MSN: variants seen among roughly 807,000 people sequenced by gnomAD.
MSN encodes the protein epididymis luminal protein 70.
In MSN, 2 loss-of-function variants were observed where a neutral mutation model predicts 48.0. That is an observed-to-expected ratio of 0.04 (90% confidence interval 0.02 to 0.13). The LOEUF is 0.13. MSN is among the 10% of genes least tolerant of loss of function. MSN has a pLI of 1.00. For missense variants in MSN, 267 were observed against 470.1 expected (o/e 0.57, Z 3.99); for synonymous variants, 146 against 166.9 (o/e 0.87, Z 0.97).
chrX:65,661,154 A>G (rs1025023343), intron 1 of MSN, among the ~76,000 whole-genome samples: 50 of 110,130 alleles, frequency 4.5e-4, no homozygotes, highest in African/African-American at 1.6e-3. Context: ...AGTAGAGACA[A>G]GGTTTCACCA....
intron 3 of MSN, 24 bp from the exon 4 acceptor site, chrX:65,729,414 G>A (rs1272235318): frequency 8.3e-7 from 1 of 1,201,854 alleles, no homozygotes; most frequent in South Asian, 1.8e-5. Context: ...TTTTTTGAGA[G>A]TCCATAACCC....
intron 1 of MSN, among the ~76,000 whole-genome samples, chrX:65,673,509 C>T (rs2070964236): frequency 9.3e-6 from 1 of 107,081 alleles, no homozygotes. Flanking sequence ...GGCTGGAGTG[C>T]AATGGCACGA....
intron 1 of MSN, among the ~76,000 whole-genome samples, chrX:65,681,974 A>G (rs2071060371): frequency 9.0e-6 from 1 of 111,290 alleles, no homozygotes; most frequent in African/African-American, 3.3e-5. Context: ...CACTCATTTG[A>G]GCAGCCTGAC....
At chrX:65,736,290 GC>G (rs1423481244) in intron 8 of MSN, among the ~76,000 whole-genome samples, 1 of 110,970 alleles carries the variant, frequency 9.0e-6, no homozygotes, top group Non-Finnish European at 1.9e-5. Flanking sequence ...CATTGACAGG[GC>G]CCCGTGTACA....
In MSN at chrX:65,653,420, G is replaced by A. The variant is rs186502757; in HGVS notation, c.-21-63398G>A. 6.2e-3 allele frequency among the ~76,000 whole-genome samples: 687 copies of A among 111,011 alleles called. 7 individuals carry two copies. Among genetic ancestry groups the A allele is most frequent in the Non-Finnish European group, 7.7e-3 (408 of 52,980 alleles). ...GGGGAAGTCTCTTAAAAATAGTTAGGAATGTTTGAGGCCTGTATTTCTCAG... is the reference window on the plus strand; with the variant it reads ...GGGGAAGTCTCTTAAAAATAGTTAGAAATGTTTGAGGCCTGTATTTCTCAG... On this transcript the variant is annotated intron_variant, in intron 1 of 3. Coordinates refer to the MSN transcript ENST00000609672.
chrX:65,661,726 T>G (rs943030780), intron 1 of MSN, among the ~76,000 whole-genome samples: 10 of 111,889 alleles, frequency 8.9e-5, no homozygotes, highest in African/African-American at 3.2e-4. Flanking sequence ...CCATTTACCA[T>G]AGCCACAAAG....
intron 1 of MSN, chrX:65,624,813 A>C (rs1408915483): frequency 9.2e-6 from 1 of 109,071 alleles, no homozygotes; most frequent in Non-Finnish European, 1.9e-5. Flanking sequence ...AAAGAAAGAA[A>C]AGAAAAGAAA....
At chrX:65,590,507 G>A (rs1050362581) in intron 1 of MSN, among the ~76,000 whole-genome samples, 1 of 111,029 alleles carries the variant, frequency 9.0e-6, no homozygotes, top group Non-Finnish European at 1.9e-5. Flanking sequence ...ACCCCCGAAG[G>A]ACGCTCCCAA....
At chrX:65,643,709 G>A (rs1189007095) in intron 1 of MSN, among the ~76,000 whole-genome samples, 1 of 111,565 alleles carries the variant, frequency 9.0e-6, no homozygotes, top group Non-Finnish European at 1.9e-5. Flanking sequence ...AATCTAGTTT[G>A]AGGGAGAAGA....
At chrX:65,679,159 C>A (rs2071030850) in intron 1 of MSN, among the ~76,000 whole-genome samples, 1 of 111,367 alleles carries the variant, frequency 9.0e-6, no homozygotes, top group African/African-American at 3.3e-5. Context: ...TGGAGTCCAG[C>A]CTGCAGACTA....
Position 65,736,799 on chromosome X carries a change from A to G in MSN, c.964A>G (p.Met322Val), listed in dbSNP as rs1374521523. 2.6e-6 allele frequency: 3 copies of G among 1,164,561 alleles called. No homozygotes were observed. Among genetic ancestry groups the G allele is most frequent in the Non-Finnish European group, 3.4e-6 (3 of 871,973 alleles). The part of the protein sequence containing the change: ...EKHQKQMERA[M>V]LENEKKKREM... ...CCATTTTATCTCCTTCCCTAGTGCT[A>G]TGCTGGAAAATGAGAAGAAGAAGCG... Residue 322 changes from methionine (M) to valine (V), a missense_variant, in exon 9 of 13, where the codon ATG becomes GTG. By Grantham distance (21) the Met-to-Val change is conservative. Coordinates refer to ENST00000360270, the MANE Select transcript of MSN (RefSeq NM_002444.3).
At chrX:65,736,970 A>T in intron 9 of MSN, 45 bp downstream of exon 9, 1 of 1,202,553 alleles carries the variant, frequency 8.3e-7, no homozygotes, top group Non-Finnish European at 1.1e-6. Context: ...TCCAGGCCTA[A>T]CTCTGAGCTG....
At chrX:65,677,393 A>AG (rs2071010857) in intron 1 of MSN, among the ~76,000 whole-genome samples, 1 of 112,509 alleles carries the variant, frequency 8.9e-6, no homozygotes, top group Non-Finnish European at 1.9e-5. Context: ...TACAAAGAAG[A>AG]AAAGTCACAT....
intron 1 of MSN, among the ~76,000 whole-genome samples, chrX:65,641,586 ATATATATATATATATT>A (rs1395123663): frequency 4.7e-5 from 3 of 64,256 alleles, no homozygotes; most frequent in Non-Finnish European, 9.6e-5. Context: ...ATATATATAT[ATATATATATATATATT>A]TTAGCATATT....
Position 65,596,174 on chromosome X carries a change from A to C in MSN, c.-22+7562A>C, listed in dbSNP as rs945588695. ...TAGTGAAAATCAGAACCGGAGCCCAAGGCTGGCTGTAGAACTGGGACTGAA... is the reference window on the plus strand; with the variant it reads ...TAGTGAAAATCAGAACCGGAGCCCACGGCTGGCTGTAGAACTGGGACTGAA... On this transcript the variant is annotated intron_variant, in intron 1 of 3. Transcript: ENST00000609672. 4.8e-4 allele frequency among the ~76,000 whole-genome samples: 53 copies of C among 111,428 alleles called. 1 individual carries two copies. The highest frequency in any genetic ancestry group is 2.2e-3 in the East Asian group (8 of 3,587).
chrX:65,599,543 G>T (rs1444471692), intron 1 of MSN, among the ~76,000 whole-genome samples: 1 of 112,348 alleles, frequency 8.9e-6, no homozygotes, highest in Admixed American at 9.4e-5. Context: ...TGAGGCAGGA[G>T]AATCACTTGA....
chrX:65,730,558 C>T (rs754780965), intron 4 of MSN, among the ~76,000 whole-genome samples: 7 of 110,005 alleles, frequency 6.4e-5, no homozygotes, highest in Non-Finnish European at 1.3e-4. Flanking sequence ...GCCATGATAT[C>T]TGAGATGGCA....
intron 1 of MSN, among the ~76,000 whole-genome samples, chrX:65,691,836 G>A (rs1460061965): frequency 2.7e-5 from 3 of 111,645 alleles, no homozygotes; most frequent in Non-Finnish European, 5.6e-5. Context: ...GAACAATTGT[G>A]AAGAGCCAGG....
intron 1 of MSN, among the ~76,000 whole-genome samples, chrX:65,603,675 G>A (rs1411462907): frequency 8.9e-6 from 1 of 112,277 alleles, no homozygotes; most frequent in Non-Finnish European, 1.9e-5. Flanking sequence ...CTAGATTATA[G>A]GGCTTCTTCA....
Sources: allele counts gnomAD v4.1 joint callset (sites outside exome capture counted in the v4.1 genomes callset), GRCh38; gene constraint gnomAD v4.1.1; transcripts MANE v1.5; gene names NCBI Gene and HGNC (gene_info 2026-07-23, HGNC 2026-07-21).